Variants in KLHL1 observed in about 807,000 individuals in gnomAD.
The protein encoded by KLHL1 is kelch like family member 1.
A neutral mutation model predicts 77.7 loss-of-function variants in KLHL1; 47 were observed. The ratio of observed to expected loss-of-function variants is 0.60; its 90% CI spans 0.48 to 0.77. The LOEUF is 0.77. Among genes scored for constraint, KLHL1 ranks in the 30% least tolerant of loss-of-function variants. The pLI is 0.00. For missense variants in KLHL1, 925 were observed against 910.8 expected, an observed-to-expected ratio of 1.02 and a Z score of -0.20; for synonymous variants, 360 against 325.2, an observed-to-expected ratio of 1.11 and a Z score of -1.15.
At position 69,895,677 on chromosome 13, in the gene KLHL1, G is replaced by A. The variant is rs149319587; in HGVS notation, c.1015-13182C>T. On this transcript the variant is annotated intron_variant, in intron 4 of 10. Transcript: ENST00000377844. ...ATGCTGGCAAGGTTCCTTAATTTTT[G>A]GAATATTTGGGAATAATCTGTTTCT... Among the ~76,000 whole-genome samples, 3 of 150,500 alleles carry A rather than the reference G, an allele frequency of 2.0e-5. No homozygotes were observed. In the East Asian group the frequency reaches 5.9e-4, roughly 30 times the overall value.
chr13:69,996,309 TA>T (rs749645654), intron 1 of KLHL1, among the ~76,000 whole-genome samples: 2 of 151,054 alleles, frequency 1.3e-5, no homozygotes, highest in African/African-American at 2.4e-5. Flanking sequence ...TTAAAAAAAA[TA>T]AAATAAAAAA....
At chr13:69,778,321 C>T (rs1875941438) in intron 7 of KLHL1, among the ~76,000 whole-genome samples, 2 of 152,076 alleles carry the variant, frequency 1.3e-5, no homozygotes, top group African/African-American at 4.8e-5. Context: ...ATATATGTCT[C>T]AAGGTTTCTT....
At chr13:70,086,101 A>G (rs149482256) in intron 1 of KLHL1, among the ~76,000 whole-genome samples, 4 of 152,236 alleles carry the variant, frequency 2.6e-5, no homozygotes, top group East Asian at 1.9e-4. Flanking sequence ...AAATGTACCT[A>G]CAGTGGAATC....
At position 69,744,757 on chromosome 13, in the gene KLHL1, T is replaced by A. The variant is rs964313855; in HGVS notation, c.1640-4201A>T. On this transcript the variant is annotated intron_variant, in intron 7 of 10. Transcript: ENST00000377844. ...AAATTAAGTAATATAATTTAAAAAA[T>A]TATTTAAAGTTGTTATCTGTGACAT... 2.0e-5 allele frequency among the ~76,000 whole-genome samples: 3 copies of A among 151,930 alleles called. No individual in the cohort carries two copies. The Admixed American group carries it at 2.0e-4, about 10-fold the overall frequency.
intron 10 of KLHL1, among the ~76,000 whole-genome samples, chr13:69,702,471 T>G (rs1875440237): frequency 6.6e-6 from 1 of 151,728 alleles, no homozygotes; most frequent in Admixed American, 6.6e-5. Context: ...ATAATTTTTA[T>G]TACAGTTTTC....
In KLHL1 at chr13:69,780,736, A is replaced by G. The variant is rs372808659; in HGVS notation, c.1639+16002T>C. 4.7e-5 allele frequency among the ~76,000 whole-genome samples: 3 copies of G among 63,360 alleles called. No homozygotes were observed. The East Asian group carries it at 1.2e-3, about 25-fold the overall frequency. The allele number at this position is 63,360 out of a possible 152,430, so 41.6% of individuals were successfully genotyped here. ...TATATGTATATATATATATATACAT[A>G]TATATATACATATATATATATACAC... On this transcript the variant is annotated intron_variant, in intron 7 of 10. Transcript: ENST00000377844.
At chr13:70,098,117 A>G (rs2137450731) in intron 1 of KLHL1, among the ~76,000 whole-genome samples, 1 of 151,938 alleles carries the variant, frequency 6.6e-6, no homozygotes, top group East Asian at 1.9e-4. Flanking sequence ...GGTATTATAG[A>G]TCATACTATG....
chr13:70,076,873 T>C (rs1887279875), intron 1 of KLHL1, among the ~76,000 whole-genome samples: 1 of 151,836 alleles, frequency 6.6e-6, no homozygotes, highest in Non-Finnish European at 1.5e-5. Flanking sequence ...CATAGGAAAA[T>C]AGATTCAATA....
chr13:69,954,856 C>A (rs998484230), intron 3 of KLHL1, among the ~76,000 whole-genome samples: 2 of 150,964 alleles, frequency 1.3e-5, no homozygotes, highest in African/African-American at 2.4e-5. Flanking sequence ...AACAAGGTTT[C>A]TTGCTAAAAT....
At position 70,074,912 on chromosome 13, in the gene KLHL1, A is replaced by T. The variant is rs916727278; in HGVS notation, c.497+32291T>A. On this transcript the variant is annotated intron_variant, in intron 1 of 10. Coordinates refer to ENST00000377844, the MANE Select transcript of KLHL1 (RefSeq NM_020866.3). ...ACAAATTCCTATAATAATTTTAGTA[A>T]AAAATCAATATATGCTCCAGCTACA... Among the ~76,000 whole-genome samples, 16 of 152,090 alleles carry T rather than the reference A, an allele frequency of 1.1e-4. 1 individual carries two copies. Among genetic ancestry groups the T allele is most frequent in the African/African-American group, 3.4e-4 (14 of 41,382 alleles).
intron 10 of KLHL1, among the ~76,000 whole-genome samples, chr13:69,702,846 C>T (rs902685543): frequency 6.6e-6 from 1 of 151,506 alleles, no homozygotes; most frequent in East Asian, 1.9e-4. Flanking sequence ...TGAATATATT[C>T]GTGACATATT....
chr13:70,096,580 T>G (rs1887794513), intron 1 of KLHL1, among the ~76,000 whole-genome samples: 1 of 152,002 alleles, frequency 6.6e-6, no homozygotes. Flanking sequence ...AAGTTTGTTT[T>G]ACTTGTCTTT....
chr13:70,083,233 G>T (rs541771810), intron 1 of KLHL1, among the ~76,000 whole-genome samples: 1 of 152,072 alleles, frequency 6.6e-6, no homozygotes. Flanking sequence ...ACAAATTGTC[G>T]TCACTACTAA....
At chr13:69,922,362 G>A (rs1401223971) in intron 4 of KLHL1, among the ~76,000 whole-genome samples, 2 of 152,124 alleles carry the variant, frequency 1.3e-5, no homozygotes, top group East Asian at 3.9e-4. Flanking sequence ...GGTGAAGTAC[G>A]AAATGGTGGA....
chr13:69,940,353 AATCAAGAT>A, intron 3 of KLHL1, 117 bp from the exon 4 acceptor site: 1 of 658,226 alleles, frequency 1.5e-6, no homozygotes, highest in African/African-American at 1.9e-5. Context: ...TGAGATTGGT[AATCAAGAT>A]AAATATAACT....
chr13:70,076,561 C>A (rs1887271769), intron 1 of KLHL1, among the ~76,000 whole-genome samples: 1 of 150,990 alleles, frequency 6.6e-6, no homozygotes, highest in Non-Finnish European at 1.5e-5. Context: ...TCGGGTTTGA[C>A]AATGTGACAA....
At chr13:69,949,492 A>C (rs1883636837) in intron 3 of KLHL1, among the ~76,000 whole-genome samples, 2 of 151,824 alleles carry the variant, frequency 1.3e-5, no homozygotes, top group South Asian at 4.1e-4. Flanking sequence ...GGTGATAGTC[A>C]TCTTGATCAC....
chr13:69,729,678 C>T (rs1268479974), intron 8 of KLHL1, among the ~76,000 whole-genome samples: 1 of 151,980 alleles, frequency 6.6e-6, no homozygotes, highest in Non-Finnish European at 1.5e-5. Context: ...AATAGCCAGT[C>T]ATCAAACCAC....
At chr13:70,071,541 T>C (rs1468778128) in intron 1 of KLHL1, among the ~76,000 whole-genome samples, 3 of 151,926 alleles carry the variant, frequency 2.0e-5, no homozygotes, top group African/African-American at 7.3e-5. Flanking sequence ...CAAGCTCACA[T>C]GAAACACTCA....
Sources: allele counts gnomAD v4.1 joint callset (sites outside exome capture counted in the v4.1 genomes callset), GRCh38; gene constraint gnomAD v4.1.1; transcripts MANE v1.5; gene names NCBI Gene and HGNC (gene_info 2026-07-23, HGNC 2026-07-21).